Variants in KIRREL3 observed in about 807,000 individuals in gnomAD.
KIRREL3 encodes kirre like nephrin family adhesion molecule 3.
In KIRREL3, 36 loss-of-function variants were observed where a neutral mutation model predicts 89.7. The ratio of observed to expected loss-of-function variants is 0.40; its 90% confidence interval spans 0.31 to 0.53. KIRREL3 has a LOEUF of 0.53. KIRREL3 is among the 20% of genes least tolerant of loss of function. The pLI, the probability that KIRREL3 is intolerant of heterozygous loss-of-function variation, is 0.49. For synonymous variants in KIRREL3, 445 were observed against 441.4 expected (o/e 1.01, Z -0.10); for missense variants, 864 against 1,056.6 (o/e 0.82, Z 2.53).
At position 126,684,100 on chromosome 11, in the gene KIRREL3, T is replaced by A. The variant is rs1221810616; in HGVS notation, c.56-121188A>T. Among the ~76,000 whole-genome samples, 1 of 152,144 alleles carries A rather than the reference T, an allele frequency of 6.6e-6. No individual in the cohort carries two copies. Among genetic ancestry groups the A allele is most frequent in the Non-Finnish European group, 1.5e-5 (1 of 68,018 alleles). ...CTGCCACCTGCTCAGTGGGATGGCATCTTGGGGGAGCACCTTGGGCAGGGC... is the reference window on the plus strand; with the variant it reads ...CTGCCACCTGCTCAGTGGGATGGCAACTTGGGGGAGCACCTTGGGCAGGGC... On this transcript the variant is annotated intron_variant, in intron 1 of 16. Coordinates refer to ENST00000525144, the MANE Select transcript of KIRREL3 (RefSeq NM_032531.4). The surrounding 1 kb of genome is among the most constrained non-coding windows in gnomAD (Gnocchi z 4.2).
At position 126,501,131 on chromosome 11, in the gene KIRREL3, T is replaced by A. The variant is rs1425867407; in HGVS notation, c.433+20184A>T. On this transcript the variant is annotated intron_variant, in intron 4 of 16. Transcript: ENST00000525144. The surrounding 1 kb of genome is among the most constrained non-coding windows in gnomAD (Gnocchi z 5.8). ...CTTGTGCGAGGCAGGATATCTCCAG[T>A]GCAAGGACACTACTGGTGGACAGCT... Among the ~76,000 whole-genome samples the A allele has an allele frequency of 6.6e-6, 1 of 152,192 alleles. No individual in the cohort carries two copies. The highest frequency in any genetic ancestry group is 1.5e-5 in the Non-Finnish European group (1 of 68,030).
chr11:126,638,357 T>G (rs1944344312), intron 1 of KIRREL3, among the ~76,000 whole-genome samples: 1 of 152,218 alleles, frequency 6.6e-6, no homozygotes. Context: ...AACGTACTTG[T>G]CTGTCCTCTG....
In KIRREL3 at chr11:126,985,767, G is replaced by A. The variant is rs1053110588; in HGVS notation, c.55+14688C>T. ...GAACGTACACCCATGAGAAGATAGC[G>A]AACTCTGTGCAAAGCTGATGATTTG... On this transcript the variant is annotated intron_variant, in intron 1 of 16. Coordinates refer to ENST00000525144, the MANE Select transcript of KIRREL3 (RefSeq NM_032531.4). The surrounding 1 kb of genome is among the most constrained non-coding windows in gnomAD (Gnocchi z 5.3). Among the ~76,000 whole-genome samples the A allele has an allele frequency of 3.9e-5, 6 of 152,124 alleles. No individual in the cohort carries two copies. The highest frequency in any genetic ancestry group is 1.3e-4 in the Admixed American group (2 of 15,264).
At position 126,696,984 on chromosome 11, in the gene KIRREL3, CA is replaced by C. The variant is rs995752214; in HGVS notation, c.56-134073del. On this transcript the variant is annotated intron_variant, in intron 1 of 16. Coordinates refer to ENST00000525144, the MANE Select transcript of KIRREL3 (RefSeq NM_032531.4). This position sits in a 1 kb window ranked among gnomAD's most constrained non-coding sequence, Gnocchi z 4.4. ...AGTGGTATAATGCACTTAAACATGA[CA>C]AAAAAAATGCACTAAATAAGTGTCA... Among the ~76,000 whole-genome samples, 568 of 151,980 alleles carry C rather than the reference CA, an allele frequency of 3.7e-3. 2 individuals carry two copies. Among genetic ancestry groups the C allele is most frequent in the African/African-American group, 0.013 (537 of 41,456 alleles).
At position 126,557,823 on chromosome 11, in the gene KIRREL3, C is replaced by T. The variant is rs1939817344; in HGVS notation, c.133+5012G>A. On this transcript the variant is annotated intron_variant, in intron 2 of 16. Coordinates refer to ENST00000525144, the MANE Select transcript of KIRREL3 (RefSeq NM_032531.4). The surrounding 1 kb of genome is among the most constrained non-coding windows in gnomAD (Gnocchi z 5.6). The stretch of plus-strand genomic sequence containing the variant: ...GCACACAGAGCCTGGACTGGGACCA[C>T]AGTGCTGTTCGGGAGCTGTGGGCCA... Among the ~76,000 whole-genome samples, 1 of 152,194 alleles carries T rather than the reference C, an allele frequency of 6.6e-6. No homozygotes were observed. Among genetic ancestry groups the T allele is most frequent in the Admixed American group, 6.5e-5 (1 of 15,288 alleles).
intron 1 of KIRREL3, among the ~76,000 whole-genome samples, chr11:126,959,331 A>G (rs935894855): frequency 1.3e-5 from 2 of 151,796 alleles, no homozygotes; most frequent in Non-Finnish European, 2.9e-5. Flanking sequence ...TGGGATAAAG[A>G]CACACATGTG....
chr11:126,743,385 C>G (rs1592059906), intron 1 of KIRREL3, among the ~76,000 whole-genome samples: 1 of 152,132 alleles, frequency 6.6e-6, no homozygotes, highest in East Asian at 1.9e-4. Flanking sequence ...CCAATTTCAG[C>G]TATTCTGATT....
chr11:126,792,010 C>T (rs1056726824), intron 1 of KIRREL3, among the ~76,000 whole-genome samples: 50 of 152,188 alleles, frequency 3.3e-4, no homozygotes, highest in African/African-American at 1.2e-3. Context: ...TTTCCTGGTG[C>T]CTCTGCCGAC....
In KIRREL3 at chr11:126,694,253, C is replaced by T. The variant is rs189196826; in HGVS notation, c.56-131341G>A. Among the ~76,000 whole-genome samples the T allele has an allele frequency of 6.6e-6, 1 of 152,188 alleles. No homozygotes were observed. The highest frequency in any genetic ancestry group is 1.5e-5 in the Non-Finnish European group (1 of 68,032). ...CAGTCCGAACTCCTAGCTCATCAAA[C>T]CTTGGAAATGCTCACTGCAAATGGT... On this transcript the variant is annotated intron_variant, in intron 1 of 16. Transcript: ENST00000525144. This position sits in a 1 kb window ranked among gnomAD's most constrained non-coding sequence, Gnocchi z 4.4.
intron 1 of KIRREL3, among the ~76,000 whole-genome samples, chr11:126,637,929 A>G (rs753032560): frequency 6.6e-6 from 1 of 152,248 alleles, no homozygotes; most frequent in Non-Finnish European, 1.5e-5. Context: ...CCAAGAGCAC[A>G]GTGGGAGCAT....
Position 126,513,507 on chromosome 11 carries a change from C to G in KIRREL3, c.433+7808G>C, listed in dbSNP as rs1958295867. On this transcript the variant is annotated intron_variant, in intron 4 of 16. Coordinates refer to ENST00000525144, the MANE Select transcript of KIRREL3 (RefSeq NM_032531.4). This position sits in a 1 kb window ranked among gnomAD's most constrained non-coding sequence, Gnocchi z 5.9. ...AAGATGCGCTGAGTTTGCCTCCATC[C>G]CTGAGGGATCCTCTCTTCCTCCGGG... 6.6e-6 allele frequency among the ~76,000 whole-genome samples: 1 copy of G among 152,142 alleles called. No homozygotes were observed. The highest frequency in any genetic ancestry group is 1.5e-5 in the Non-Finnish European group (1 of 68,024).
rs1555148998 is a variant in KIRREL3 at position 126,569,319 on chromosome 11, A to G, written c.56-6407T>C. On this transcript the variant is annotated intron_variant, in intron 1 of 16. Transcript: ENST00000525144. The surrounding 1 kb of genome is among the most constrained non-coding windows in gnomAD (Gnocchi z 6.5). ...AGAAGGAGTTCTAGGCTGAAGAAATATTTTTAACCAGTTGCGTTGACCTCA... is the reference window on the plus strand; with the variant it reads ...AGAAGGAGTTCTAGGCTGAAGAAATGTTTTTAACCAGTTGCGTTGACCTCA... Among the ~76,000 whole-genome samples, 1 of 152,200 alleles carries G rather than the reference A, an allele frequency of 6.6e-6. No individual in the cohort carries two copies. The highest frequency in any genetic ancestry group is 1.5e-5 in the Non-Finnish European group (1 of 68,030).
Position 126,496,465 on chromosome 11 carries a change from A to T in KIRREL3, c.434-22999T>A, listed in dbSNP as rs1957658625. ...GCCTAGGAATTCCCATGATAAGTTC[A>T]GTGCCTTCCCTGCCACCCCATGGCT... On this transcript the variant is annotated intron_variant, in intron 4 of 16. Transcript: ENST00000525144. The surrounding 1 kb of genome is among the most constrained non-coding windows in gnomAD (Gnocchi z 4.9). 6.6e-6 allele frequency among the ~76,000 whole-genome samples: 1 copy of T among 152,200 alleles called. No individual in the cohort carries two copies. Among genetic ancestry groups the T allele is most frequent in the Non-Finnish European group, 1.5e-5 (1 of 68,012 alleles).
rs1295839573 is a variant in KIRREL3, at chr11:126,635,520, C to T, written c.56-72608G>A. 6.6e-6 allele frequency among the ~76,000 whole-genome samples: 1 copy of T among 152,104 alleles called. No individual in the cohort carries two copies. The highest frequency in any genetic ancestry group is 2.4e-5 in the African/African-American group (1 of 41,422). Reference sequence around the variant, plus strand: ...CAGAAGGCTGAACAGTGGCTGATGGCCTGGAGGAGGAGATAGGGAGGGAGG... The same window carrying T: ...CAGAAGGCTGAACAGTGGCTGATGGTCTGGAGGAGGAGATAGGGAGGGAGG... On this transcript the variant is annotated intron_variant, in intron 1 of 16. Coordinates refer to ENST00000525144, the MANE Select transcript of KIRREL3 (RefSeq NM_032531.4). This position sits in a 1 kb window ranked among gnomAD's most constrained non-coding sequence, Gnocchi z 4.0.
intron 2 of KIRREL3, among the ~76,000 whole-genome samples, chr11:126,534,966 G>C (rs912344269): frequency 1.3e-5 from 2 of 152,200 alleles, no homozygotes; most frequent in Admixed American, 1.3e-4. Flanking sequence ...AGCTGGCACT[G>C]TTGCCAGTGC....
intron 1 of KIRREL3, among the ~76,000 whole-genome samples, chr11:126,604,124 G>A (rs1355414027): frequency 6.6e-6 from 1 of 152,032 alleles, no homozygotes; most frequent in East Asian, 1.9e-4. Flanking sequence ...CTTCACATGA[G>A]GCCCGATGCT....
intron 1 of KIRREL3, among the ~76,000 whole-genome samples, chr11:126,751,011 A>C (rs1318691530): frequency 6.6e-6 from 1 of 152,248 alleles, no homozygotes; most frequent in Non-Finnish European, 1.5e-5. Flanking sequence ...GGATGTGTAC[A>C]CATGTGATTT....
At position 126,570,183 on chromosome 11, in the gene KIRREL3, G is replaced by A. The variant is rs1223510946; in HGVS notation, c.56-7271C>T. On this transcript the variant is annotated intron_variant, in intron 1 of 16. Transcript: ENST00000525144. This position sits in a 1 kb window ranked among gnomAD's most constrained non-coding sequence, Gnocchi z 6.1. ...TTATAATTTTTGGATCTCATTGCTT[G>A]CTAATTCTAAGTTTACTAAATAACT... 2.6e-5 allele frequency among the ~76,000 whole-genome samples: 4 copies of A among 152,060 alleles called. No homozygotes were observed. The highest frequency in any genetic ancestry group is 4.4e-5 in the Non-Finnish European group (3 of 68,020).
chr11:126,618,513 C>T (rs911455977), intron 1 of KIRREL3, among the ~76,000 whole-genome samples: 4 of 152,194 alleles, frequency 2.6e-5, no homozygotes, highest in Non-Finnish European at 5.9e-5. Flanking sequence ...TGGCTCACTG[C>T]AAACTCCGCC....
Sources: gnomAD v4.1 joint callset for allele counts (sites outside exome capture counted in the v4.1 genomes callset) on GRCh38, gnomAD v4.1.1 for gene constraint, Gnocchi (gnomAD v3.1) non-coding constraint, MANE v1.5 for transcripts, NCBI Gene and HGNC (gene_info 2026-07-23, HGNC 2026-07-21) for gene names.